KY: variants seen among roughly 807,000 people sequenced by gnomAD.
KY encodes the protein kyphoscoliosis peptidase.
In KY, 43 loss-of-function variants were observed where a neutral mutation model predicts 76.1. The observed-to-expected ratio is 0.57, with a 90% confidence interval of 0.44 to 0.73. KY has a LOEUF of 0.73. KY is among the 30% of genes least tolerant of loss of function. The pLI is 0.00. For synonymous variants in KY, 277 were observed against 326.2 expected, an observed-to-expected ratio of 0.85 and a Z score of 1.63; for missense variants, 722 against 828.9, an observed-to-expected ratio of 0.87 and a Z score of 1.58.
Position 134,620,775 on chromosome 3 carries a change from A to C in KY, c.566T>G (p.Ile189Ser). ...AHTDLERVRA[I>S]WIWICHHIEY... ...TATGTGATGGCAGATCCAGATCCAG[A>C]TGGCGCGGACCCTTTCCAGGTCAGT... The change falls in exon 7 of 11, where the codon ATC (isoleucine) becomes AGC (serine). Residue 189 changes from isoleucine to serine, a missense_variant. Coordinates refer to ENST00000423778, the MANE Select transcript of KY (RefSeq NM_178554.6). 1 of 1,613,672 alleles carries C rather than the reference A, an allele frequency of 6.2e-7. No homozygotes were observed. The highest frequency in any genetic ancestry group is 8.5e-7 in the Non-Finnish European group (1 of 1,179,744).
rs945385145 is a variant in KY at position 134,647,095 on chromosome 3, T to G, written c.199+340A>C. Among the ~76,000 whole-genome samples, 11 of 152,190 alleles carry G rather than the reference T, an allele frequency of 7.2e-5. No individual in the cohort carries two copies. The South Asian group carries it at 1.0e-3, about 14-fold the overall frequency. On this transcript the variant is annotated intron_variant, in intron 2 of 10. Coordinates refer to ENST00000423778, the MANE Select transcript of KY (RefSeq NM_178554.6). ...GACTATCCTCTCTGTTGGGAAACAT[T>G]TTCAAAAGATAGATGGCTGCCTCTC...
Position 134,610,250 on chromosome 3 carries a change from C to A in KY, c.844G>T (p.Asp282Tyr). ...ACCAGGCCGCTGCCCCAGGTGCTGT[C>A]CACCAGGTGCCATCTTCCCTCCAGG... ...VYLEGRWHLV[D>Y]STWGSGLVDT... is the part of the protein sequence containing the mutation. The change falls in exon 9 of 11, where the codon GAC becomes TAC. Residue 282 changes from aspartate to tyrosine, a missense_variant. Around this residue, in one of 2 missense-constraint regions of KY, gnomAD observed 552 missense variants for 680.9 expected, o/e 0.81. Coordinates refer to ENST00000423778, the MANE Select transcript of KY (RefSeq NM_178554.6). 1 of 1,613,974 alleles carries A rather than the reference C, an allele frequency of 6.2e-7. No individual in the cohort carries two copies. Among genetic ancestry groups the A allele is most frequent in the Non-Finnish European group, 8.5e-7 (1 of 1,179,874 alleles).
chr3:134,618,475 ACCC>A (rs1961969047), intron 8 of KY, among the ~76,000 whole-genome samples: 1 of 152,020 alleles, frequency 6.6e-6, no homozygotes, highest in Non-Finnish European at 1.5e-5. Flanking sequence ...TTCTGGAGGA[ACCC>A]AGCAGACCTC....
chr3:134,650,908 A>G lies in KY; in HGVS notation c.53T>C (p.Val18Ala). ...NAVSIDMLLIVHSEKRRAAQG... is the reference protein window; with the variant it reads ...NAVSIDMLLIAHSEKRRAAQG... ...TGCGGCGCGCCGCTTCTCCGAGTGC[A>G]CGATCAGCAGCATGTCGATAGATAC... The change falls in exon 1 of 11, where the codon GTG becomes GCG. Residue 18 changes from valine to alanine, a missense_variant. Val to Ala is a moderately conservative substitution (Grantham distance 64). Around this residue, in one of 2 missense-constraint regions of KY, gnomAD observed 170 missense variants for 148.1 expected, o/e 1.15. Transcript: ENST00000423778. 1 of 1,613,196 alleles carries G rather than the reference A, an allele frequency of 6.2e-7. No homozygotes were observed. Among genetic ancestry groups the G allele is most frequent in the Middle Eastern group, 1.6e-4 (1 of 6,062 alleles).
chr3:134,607,285 T>G (rs1959352528), intron 10 of KY: 1 of 985,386 alleles, frequency 1.0e-6, no homozygotes, highest in South Asian at 4.7e-5. Context: ...TTGCAAGAGC[T>G]CAGCAACTTG....
At chr3:134,650,615 G>A (rs1345303271) in intron 1 of KY, among the ~76,000 whole-genome samples, 1 of 152,200 alleles carries the variant, frequency 6.6e-6, no homozygotes, top group Non-Finnish European at 1.5e-5. Context: ...GTGAAACTGG[G>A]GCAATCACGG....
In KY at chr3:134,604,260, G is replaced by A; in HGVS notation, c.1305C>T (p.Cys435=). ...YSSVLEYTLK[C]NYVDMGVQLP... ...GCTGGACACCCATGTCCACATAATT[G>A]CACTTGAGCGTGTACTCCAGCACTG... Residue 435 remains cysteine (C), a synonymous_variant, in exon 11 of 11, where the codon TGC becomes TGT. Coordinates refer to ENST00000423778, the MANE Select transcript of KY (RefSeq NM_178554.6). The A allele has an allele frequency of 6.2e-7, 1 of 1,613,948 alleles. No individual in the cohort carries two copies. The highest frequency in any genetic ancestry group is 8.5e-7 in the Non-Finnish European group (1 of 1,179,894).
At chr3:134,611,058 T>G (rs1960353734) in intron 8 of KY, among the ~76,000 whole-genome samples, 1 of 152,202 alleles carries the variant, frequency 6.6e-6, no homozygotes, top group African/African-American at 2.4e-5. Context: ...GTCTGTCCTT[T>G]GTGAACATGG....
chr3:134,615,144 C>T (rs556156306), intron 8 of KY: 11 of 152,308 alleles, frequency 7.2e-5, no homozygotes, highest in South Asian at 4.1e-4. Flanking sequence ...CTTACAGCTA[C>T]GTCAATAACT....
At chr3:134,613,698 A>G (rs1960963222) in intron 8 of KY, among the ~76,000 whole-genome samples, 1 of 152,130 alleles carries the variant, frequency 6.6e-6, no homozygotes, top group Non-Finnish European at 1.5e-5. Flanking sequence ...GCCATGCTTG[A>G]CTCTGATATG....
At chr3:134,618,762 C>A (rs77680712) in intron 8 of KY, among the ~76,000 whole-genome samples, 3,911 of 152,264 alleles carry the variant, frequency 0.026, 69 homozygotes, top group South Asian at 0.054. Context: ...CCAAAAGAGG[C>A]TCCCTGTGTC....
At chr3:134,610,410 G>A (rs1487937027) in intron 8 of KY, 27 bp from the exon 9 acceptor site, 5 of 1,591,878 alleles carry the variant, frequency 3.1e-6, no homozygotes, top group Non-Finnish European at 4.3e-6. Context: ...GGGTCTGAGA[G>A]GGGGATCCCG....
At position 134,603,064 on chromosome 3, in the gene KY, A is replaced by G. The variant is rs1180662757; in HGVS notation, c.*515T>C. 6.6e-6 allele frequency: 1 copy of G among 152,552 alleles called. No homozygotes were observed. Among genetic ancestry groups the G allele is most frequent in the Non-Finnish European group, 1.5e-5 (1 of 68,328 alleles). The allele number at this position is 152,552 out of a possible 1,614,324, so 9.4% of individuals were successfully genotyped here. A position where few individuals can be genotyped will look rare whatever the true frequency, so the allele number is the denominator to read the frequency against. The stretch of plus-strand genomic sequence containing the variant: ...AGAAGATGATCAGGTCTGGGAGGAG[A>G]AGATAGTCCAAGATTCCCTGGGGGC... On this transcript the variant is annotated 3_prime_UTR_variant, in exon 11 of 11. Transcript: ENST00000423778.
chr3:134,610,102 C>A (rs78153976), intron 9 of KY, 93 bp downstream of exon 9: 10 of 1,376,808 alleles, frequency 7.3e-6, no homozygotes, highest in African/African-American at 1.4e-5. Flanking sequence ...CTTCCCCTCC[C>A]GCTTGGTCTT....
At position 134,643,946 on chromosome 3, in the gene KY, C is replaced by T. The variant is rs144862659; in HGVS notation, c.200-568G>A. On this transcript the variant is annotated intron_variant, in intron 2 of 10. Transcript: ENST00000423778. The stretch of plus-strand genomic sequence containing the variant: ...GGTTCGTGCCATTCTCCTGCCTCCA[C>T]CTCCGGAGCAGCTGGGACTACAGGT... 8.5e-5 allele frequency among the ~76,000 whole-genome samples: 13 copies of T among 152,180 alleles called. No homozygotes were observed. In the East Asian group the frequency reaches 2.5e-3, roughly 30 times the overall value.
At chr3:134,635,046 G>A (rs1247219086) in intron 3 of KY, among the ~76,000 whole-genome samples, 2 of 152,178 alleles carry the variant, frequency 1.3e-5, no homozygotes, top group African/African-American at 4.8e-5. Context: ...TGCCCTGTTG[G>A]GCATTTATCC....
At chr3:134,609,287 C>A (rs1386411296) in intron 9 of KY, among the ~76,000 whole-genome samples, 1 of 152,198 alleles carries the variant, frequency 6.6e-6, no homozygotes, top group Non-Finnish European at 1.5e-5. Flanking sequence ...CCAGGGCCGA[C>A]TGGAGTGCTG....
chr3:134,608,524 T>C, intron 10 of KY, 125 bp downstream of exon 10: 3 of 1,586,990 alleles, frequency 1.9e-6, no homozygotes, highest in Non-Finnish European at 2.6e-6. Flanking sequence ...AGCTTTGTGC[T>C]AAGCTCACAA....
At chr3:134,626,092 A>G (rs1963406229) in intron 5 of KY, among the ~76,000 whole-genome samples, 1 of 152,124 alleles carries the variant, frequency 6.6e-6, no homozygotes, top group Non-Finnish European at 1.5e-5. Context: ...TTCTTAACCA[A>G]GGGTCCCTGA....
Sources: allele counts gnomAD v4.1 joint callset (sites outside exome capture counted in the v4.1 genomes callset), GRCh38; gene constraint gnomAD v4.1.1; regional missense constraint gnomAD v4.1.1; transcripts MANE v1.5; gene names NCBI Gene and HGNC (gene_info 2026-07-23, HGNC 2026-07-21).